The following STK24 variants were observed in gnomAD, a reference collection of about 807,000 sequenced individuals.
STK24 encodes serine/threonine kinase 24, also known as serine/threonine-protein kinase 24.
Under a neutral mutation model 55.6 loss-of-function variants are expected in STK24, and 21 were observed. That is an observed-to-expected ratio of 0.38 (90% CI 0.27 to 0.54). The LOEUF (loss-of-function observed/expected upper bound fraction) is 0.54. Ranked by LOEUF, STK24 falls within the 20% of genes least tolerant of loss-of-function variation. The pLI, the probability that STK24 is intolerant of heterozygous loss-of-function variation, is 0.79. For synonymous variants in STK24, 200 were observed against 215.2 expected, an observed-to-expected ratio of 0.93 and a Z score of 0.62; for missense variants, 383 against 538.4, an observed-to-expected ratio of 0.71 and a Z score of 2.86.
At chr13:98,490,895 C>T (rs1895005043) in intron 2 of STK24, among the ~76,000 whole-genome samples, 1 of 150,892 alleles carries the variant, frequency 6.6e-6, no homozygotes, top group South Asian at 2.1e-4. Flanking sequence ...TGATTGCCTA[C>T]TAACCTGAGG....
intron 2 of STK24, among the ~76,000 whole-genome samples, 170 bp from the exon 3 acceptor site, chr13:98,482,491 C>T (rs1566360367): frequency 6.6e-6 from 1 of 152,198 alleles, no homozygotes; most frequent in African/African-American, 2.4e-5. Context: ...CTCCAGAGTG[C>T]AGGGACACCC....
At chr13:98,457,124 G>A in intron 10 of STK24, 44 bp downstream of exon 10, 1 of 1,593,728 alleles carries the variant, frequency 6.3e-7, no homozygotes. Context: ...CAGCCCAAGT[G>A]CAGGTCTCTC....
At chr13:98,558,730 C>T (rs1382436772) in intron 1 of STK24, among the ~76,000 whole-genome samples, 1 of 152,176 alleles carries the variant, frequency 6.6e-6, no homozygotes, top group Non-Finnish European at 1.5e-5. Flanking sequence ...AGGCGACTAA[C>T]CAACAAAGTT....
intron 1 of STK24, among the ~76,000 whole-genome samples, chr13:98,537,066 T>C (rs1896757441): frequency 6.6e-6 from 1 of 152,092 alleles, no homozygotes; most frequent in Non-Finnish European, 1.5e-5. Flanking sequence ...AGTAAGTCAC[T>C]CACCCAGGGA....
At chr13:98,570,169 G>A (rs1184407742) in intron 1 of STK24, among the ~76,000 whole-genome samples, 1 of 152,036 alleles carries the variant, frequency 6.6e-6, no homozygotes. Context: ...GTGAGCCACC[G>A]CCCCCGGTCA....
chr13:98,461,043 CA>C (rs371783720), intron 8 of STK24, among the ~76,000 whole-genome samples: 34 of 120,144 alleles, frequency 2.8e-4, no homozygotes, highest in South Asian at 1.4e-3. Flanking sequence ...GACCCCGTCT[CA>C]AAAAAAAAAA....
intron 7 of STK24, 26 bp downstream of exon 7, chr13:98,463,665 C>T (rs1893807231): frequency 6.2e-6 from 10 of 1,609,382 alleles, no homozygotes; most frequent in Non-Finnish European, 8.5e-6. Context: ...CACACACATG[C>T]TTGGGTCACT....
intron 1 of STK24, among the ~76,000 whole-genome samples, chr13:98,550,354 C>A (rs1289025758): frequency 6.6e-6 from 1 of 152,144 alleles, no homozygotes; most frequent in Non-Finnish European, 1.5e-5. Context: ...GCCTGAGCAA[C>A]ATAGGGGGAA....
At chr13:98,556,531 C>T (rs1377361544) in intron 1 of STK24, among the ~76,000 whole-genome samples, 1 of 151,914 alleles carries the variant, frequency 6.6e-6, no homozygotes, top group Non-Finnish European at 1.5e-5. Flanking sequence ...AAAACAACAA[C>T]AACAAAAAAA....
At chr13:98,508,076 G>T (rs1163650577) in intron 2 of STK24, among the ~76,000 whole-genome samples, 2 of 152,144 alleles carry the variant, frequency 1.3e-5, no homozygotes, top group Non-Finnish European at 2.9e-5. Flanking sequence ...TGCAATGACG[G>T]TCCCAGCTAC....
rs1354583041 is a variant in STK24, at chr13:98,519,185, C to G, written c.273+58G>C. ...GTCCTATCAGAGTCCTTCCCATTCC[C>G]TGCTGGCACCTCAGCCAAGTGCTGC... On this transcript the variant is annotated intron_variant, in intron 2 of 10. Coordinates refer to ENST00000539966, the MANE Select transcript of STK24 (RefSeq NM_001032296.4). 32 of 1,422,870 alleles carry G rather than the reference C, an allele frequency of 2.2e-5. No homozygotes were observed. The East Asian group carries it at 6.6e-4, about 29-fold the overall frequency. The allele number at this position is 1,422,870 out of a possible 1,614,324, so 88.1% of individuals were successfully genotyped here. A position where few individuals can be genotyped will look rare whatever the true frequency, so the allele number is the denominator to read the frequency against.
At chr13:98,490,990 G>A in intron 2 of STK24, among the ~76,000 whole-genome samples, 1 of 151,936 alleles carries the variant, frequency 6.6e-6, no homozygotes, top group East Asian at 1.9e-4. Flanking sequence ...AAGATGCATG[G>A]GGACCAGCCC....
chr13:98,570,004 G>C (rs901380613), intron 1 of STK24, among the ~76,000 whole-genome samples: 6 of 151,150 alleles, frequency 4.0e-5, no homozygotes, highest in African/African-American at 1.5e-4. Flanking sequence ...AGCCTCCCAA[G>C]TAGCTGGGAA....
intron 1 of STK24, among the ~76,000 whole-genome samples, chr13:98,527,693 G>A (rs563303314): frequency 1.3e-5 from 2 of 152,316 alleles, no homozygotes; most frequent in East Asian, 3.9e-4. Context: ...CCTGGATGCA[G>A]AGGACACGGG....
intron 1 of STK24, among the ~76,000 whole-genome samples, chr13:98,538,954 C>T (rs1896809240): frequency 6.6e-6 from 1 of 152,176 alleles, no homozygotes; most frequent in Non-Finnish European, 1.5e-5. Flanking sequence ...GGAAGGCATT[C>T]GAAGGAGACA....
chr13:98,447,763 G>C lies in STK24; in HGVS notation c.*5410C>G, dbSNP rs77818202. On this transcript the variant is annotated 3_prime_UTR_variant, in exon 11 of 11. Transcript: ENST00000539966. ...CCTGGGAGGCCAAGGCTGGAGGATC[G>C]ATTGAGCCCAGGAGGTAGCTACAGT... The C allele has an allele frequency of 0.011, 1,786 of 159,074 alleles. 28 individuals carry two copies. Among genetic ancestry groups the C allele is most frequent in the African/African-American group, 0.041 (1,698 of 41,570 alleles). 9.9% of individuals were successfully genotyped at this position (159,074 alleles called of 1,614,324 possible).
intron 5 of STK24, among the ~76,000 whole-genome samples, 183 bp downstream of exon 5, chr13:98,474,638 T>C (rs1894294664): frequency 6.6e-6 from 1 of 152,152 alleles, no homozygotes; most frequent in Admixed American, 6.5e-5. Flanking sequence ...GCACAGGGTA[T>C]TAAATGATAC....
intron 1 of STK24, among the ~76,000 whole-genome samples, chr13:98,535,348 ACAAACAAACAAAC>A (rs1896687048): frequency 2.1e-5 from 1 of 47,448 alleles, no homozygotes. Flanking sequence ...AAACAAACAA[ACAAACAAACAAAC>A]AAAAAAAAAA....
chr13:98,463,980 T>C, intron 6 of STK24, 144 bp from the exon 7 acceptor site: 1 of 949,652 alleles, frequency 1.1e-6, no homozygotes, highest in Non-Finnish European at 1.6e-6. Flanking sequence ...TCACTGCAAC[T>C]CACCCAAAGA....
Sources: allele counts gnomAD v4.1 joint callset (sites outside exome capture counted in the v4.1 genomes callset), GRCh38; gene constraint gnomAD v4.1.1; transcripts MANE v1.5; gene names NCBI Gene and HGNC (gene_info 2026-07-23, HGNC 2026-07-21).